The following MAD1L1 variants were observed in gnomAD, a reference collection of about 807,000 sequenced individuals.
MAD1L1 encodes mitotic spindle assembly checkpoint protein MAD1.
MAD1L1 carries 95 observed loss-of-function variants against 96.9 expected under a neutral mutation model. The observed-to-expected ratio is 0.98, with a 90% CI of 0.83 to 1.16. The LOEUF (loss-of-function observed/expected upper bound fraction) is 1.16. MAD1L1 is among the 50% of genes most tolerant of loss of function. The probability of loss-of-function intolerance (pLI) is 0.00; values close to 1 mark genes in which losing one functional copy is unlikely to be tolerated. For missense variants in MAD1L1, 1,007 were observed against 954.4 expected, an observed-to-expected ratio of 1.06 and a Z score of -0.73; for synonymous variants, 473 against 396.6, an observed-to-expected ratio of 1.19 and a Z score of -2.29.
At chr7:2,192,901 G>A (rs1791797316) in intron 10 of MAD1L1, among the ~76,000 whole-genome samples, 1 of 152,158 alleles carries the variant, frequency 6.6e-6, no homozygotes, top group Non-Finnish European at 1.5e-5. Flanking sequence ...AGGATATTAA[G>A]TCCATTTCGT....
In MAD1L1 at chr7:1,816,157, G is replaced by C. The variant is rs753443371; in HGVS notation, c.2070C>G (p.Ile690Met). 2 of 1,613,384 alleles carry C rather than the reference G, an allele frequency of 1.2e-6. No homozygotes were observed. The highest frequency in any genetic ancestry group is 1.7e-6 in the Non-Finnish European group (2 of 1,179,894). ...TGTCCTGGCGCCGCAGGTGCACCTC[G>C]ATGAGCTCGCCCACGGTGTGTGAGA... Reference protein sequence around the residue: ...TEFSHTVGELIEVHLRRQDSI... With the variant: ...TEFSHTVGELMEVHLRRQDSI... Residue 690 changes from isoleucine (I) to methionine (M), a missense_variant, in exon 19 of 19, where the codon ATC (isoleucine) becomes ATG (methionine). Ile to Met is a conservative substitution (Grantham distance 10). Coordinates refer to ENST00000265854, the MANE Select transcript of MAD1L1 (RefSeq NM_001013836.2).
chr7:2,210,402 T>C (rs944132601), intron 10 of MAD1L1, among the ~76,000 whole-genome samples: 21 of 151,650 alleles, frequency 1.4e-4, no homozygotes, highest in Non-Finnish European at 2.9e-4. Context: ...ACCCTCCCGG[T>C]GATTCTAGGA....
chr7:2,202,074 G>C (rs899347718), intron 10 of MAD1L1: 2 of 152,568 alleles, frequency 1.3e-5, no homozygotes, highest in Admixed American at 6.5e-5. Flanking sequence ...GAGCACTGGA[G>C]GCTCCGCCCA....
chr7:1,925,740 T>C (rs1789051096), intron 17 of MAD1L1, among the ~76,000 whole-genome samples: 1 of 152,114 alleles, frequency 6.6e-6, no homozygotes, highest in Non-Finnish European at 1.5e-5. Context: ...TGAACACACA[T>C]AAAAATACAA....
intron 18 of MAD1L1, among the ~76,000 whole-genome samples, chr7:1,868,782 A>C (rs1256374171): frequency 1.3e-5 from 2 of 152,194 alleles, no homozygotes; most frequent in Non-Finnish European, 2.9e-5. Context: ...CACCAGGGGA[A>C]CGCCCAGAAG....
At chr7:1,900,070 C>T (rs894448891) in intron 17 of MAD1L1, among the ~76,000 whole-genome samples, 1 of 152,224 alleles carries the variant, frequency 6.6e-6, no homozygotes, top group Non-Finnish European at 1.5e-5. Flanking sequence ...AGGCCACCGC[C>T]GAGAGCGCAG....
At chr7:2,006,728 A>C (rs1193969781) in intron 13 of MAD1L1, among the ~76,000 whole-genome samples, 1 of 152,152 alleles carries the variant, frequency 6.6e-6, no homozygotes, top group Non-Finnish European at 1.5e-5. Flanking sequence ...GCGAGGCAGG[A>C]CATTGGGGTC....
chr7:1,840,563 C>G (rs1783196514), intron 18 of MAD1L1, among the ~76,000 whole-genome samples: 1 of 152,186 alleles, frequency 6.6e-6, no homozygotes, highest in African/African-American at 2.4e-5. Flanking sequence ...AACCCCGTCT[C>G]TACTAAAAAT....
intron 12 of MAD1L1, among the ~76,000 whole-genome samples, chr7:2,046,295 T>C (rs1783917085): frequency 6.6e-6 from 1 of 152,126 alleles, no homozygotes; most frequent in African/African-American, 2.4e-5. Context: ...CGCCTTTCAA[T>C]GTGCACAGAA....
At chr7:2,199,934 T>C (rs1637738) in intron 10 of MAD1L1, among the ~76,000 whole-genome samples, 103,425 of 152,192 alleles carry the variant, frequency 0.68, 36,632 homozygotes, top group African/African-American at 0.87. Context: ...ATGAAAGGGA[T>C]GGGAGAGCCC....
intron 10 of MAD1L1, among the ~76,000 whole-genome samples, chr7:2,155,528 C>T (rs1475340969): frequency 2.0e-5 from 3 of 152,168 alleles, no homozygotes; most frequent in African/African-American, 4.8e-5. Context: ...TCTAAGAATG[C>T]GACCACTCCA....
chr7:2,190,233 C>T (rs1791655120), intron 10 of MAD1L1, among the ~76,000 whole-genome samples: 2 of 152,092 alleles, frequency 1.3e-5, no homozygotes, highest in Admixed American at 1.3e-4. Flanking sequence ...AAGAAGACCT[C>T]GAGCAAAGGC....
In MAD1L1 at chr7:2,114,603, CTT is replaced by C. The variant is rs1787565390; in HGVS notation, c.1073+34547_1073+34548del. Among the ~76,000 whole-genome samples, 1 of 152,376 alleles carries C rather than the reference CTT, an allele frequency of 6.6e-6. No homozygotes were observed. Among genetic ancestry groups the C allele is most frequent in the African/African-American group, 2.4e-5 (1 of 41,596 alleles). ...ATGGCTACGACTTGAACGGTGGTTT[CTT>C]AACAGGGTCCAACAACTACAGCCTG... is the stretch of plus-strand genomic sequence containing the variant. On this transcript the variant is annotated intron_variant, in intron 11 of 18. Coordinates refer to ENST00000265854, the MANE Select transcript of MAD1L1 (RefSeq NM_001013836.2). The surrounding 1 kb of genome is among the most constrained non-coding windows in gnomAD (Gnocchi z 4.2).
intron 16 of MAD1L1, among the ~76,000 whole-genome samples, chr7:1,953,546 A>C (rs1180011822): frequency 6.6e-6 from 1 of 152,248 alleles, no homozygotes; most frequent in Non-Finnish European, 1.5e-5. Flanking sequence ...GATGAATTCT[A>C]CTTAATTACA....
chr7:2,031,922 G>C (rs1253788751), intron 12 of MAD1L1, among the ~76,000 whole-genome samples: 1 of 152,264 alleles, frequency 6.6e-6, no homozygotes, highest in Non-Finnish European at 1.5e-5. Context: ...AGTCAGACGG[G>C]TTCCTTTCCT....
chr7:2,209,124 G>A (rs1293049307), intron 10 of MAD1L1, among the ~76,000 whole-genome samples: 1 of 152,166 alleles, frequency 6.6e-6, no homozygotes, highest in African/African-American at 2.4e-5. Flanking sequence ...CCCGTGTGCT[G>A]CACATGTCAC....
At chr7:1,940,817 T>A (rs948651014) in intron 16 of MAD1L1, among the ~76,000 whole-genome samples, 2 of 152,136 alleles carry the variant, frequency 1.3e-5, no homozygotes, top group Non-Finnish European at 2.9e-5. Flanking sequence ...GTACAACGGT[T>A]CTTAGTTGAG....
chr7:2,144,676 G>A (rs1172980049), intron 11 of MAD1L1, among the ~76,000 whole-genome samples: 1 of 152,110 alleles, frequency 6.6e-6, no homozygotes, highest in Non-Finnish European at 1.5e-5. Flanking sequence ...GAGACTAAGA[G>A]GGCCCGGAAA....
At chr7:2,166,946 G>A (rs13229741) in intron 10 of MAD1L1, among the ~76,000 whole-genome samples, 21,465 of 152,268 alleles carry the variant, frequency 0.14, 1,782 homozygotes, top group Middle Eastern at 0.27. Flanking sequence ...GAAGGGCCCC[G>A]GGCTGCTGGA....
Sources: gnomAD v4.1 joint callset for allele counts (sites outside exome capture counted in the v4.1 genomes callset) on GRCh38, gnomAD v4.1.1 for gene constraint, Gnocchi (gnomAD v3.1) non-coding constraint, MANE v1.5 for transcripts, NCBI Gene and HGNC (gene_info 2026-07-23, HGNC 2026-07-21) for gene names.